DAPK1: variants seen among roughly 807,000 people sequenced by gnomAD.
The protein encoded by DAPK1 is death-associated protein kinase 1.
A neutral mutation model predicts 144.9 loss-of-function variants in DAPK1; 56 were observed. The ratio of observed to expected loss-of-function variants is 0.39; its 90% CI spans 0.31 to 0.48. The LOEUF (loss-of-function observed/expected upper bound fraction) is 0.48, where lower values mean the gene tolerates loss of function less well. Ranked by LOEUF, DAPK1 falls within the 20% of genes least tolerant of loss-of-function variation. DAPK1 has a pLI of 0.95. For synonymous variants in DAPK1, 690 were observed against 749.0 expected (o/e 0.92, Z 1.29); for missense variants, 1,454 against 1,875.4 (o/e 0.78, Z 4.15).
intron 13 of DAPK1, among the ~76,000 whole-genome samples, chr9:87,646,763 C>T (rs1443734167): frequency 1.3e-5 from 2 of 152,182 alleles, no homozygotes; most frequent in Non-Finnish European, 1.5e-5. Context: ...CTCCCCTTGG[C>T]GCTGCTGCTT....
chr9:87,610,776 G>T (rs965704942), intron 3 of DAPK1, among the ~76,000 whole-genome samples: 3 of 152,250 alleles, frequency 2.0e-5, no homozygotes, highest in Non-Finnish European at 4.4e-5. Flanking sequence ...TCAGTTGATT[G>T]TTCCTGTGTG....
At chr9:87,583,265 A>T (rs1827817805) in intron 2 of DAPK1, among the ~76,000 whole-genome samples, 1 of 152,092 alleles carries the variant, frequency 6.6e-6, no homozygotes, top group Non-Finnish European at 1.5e-5. Flanking sequence ...CTGACACATG[A>T]GTGTTCAAGG....
At chr9:87,629,199 G>C (rs1271972424) in intron 3 of DAPK1, among the ~76,000 whole-genome samples, 3 of 152,162 alleles carry the variant, frequency 2.0e-5, no homozygotes, top group Admixed American at 6.5e-5. Flanking sequence ...TCTCATAAAG[G>C]GGGAGTGTGG....
chr9:87,586,688 T>G (rs1328918479), intron 2 of DAPK1, among the ~76,000 whole-genome samples: 1 of 152,244 alleles, frequency 6.6e-6, no homozygotes, highest in African/African-American at 2.4e-5. Flanking sequence ...GAAGTTAGAA[T>G]TTTGGAACCA....
chr9:87,616,629 T>C (rs1007831167), intron 3 of DAPK1, among the ~76,000 whole-genome samples: 2 of 152,098 alleles, frequency 1.3e-5, no homozygotes, highest in East Asian at 1.9e-4. Flanking sequence ...TTAACAAACA[T>C]GTGTGCAAGG....
At chr9:87,701,720 ATTTTTT>A in intron 24 of DAPK1, 12 of 244,560 alleles carry the variant, frequency 4.9e-5, no homozygotes, top group East Asian at 1.0e-4. Flanking sequence ...CTCTGGGTGT[ATTTTTT>A]TTTTTTTTTT....
intron 19 of DAPK1, 159 bp downstream of exon 19, chr9:87,668,833 A>C (rs1831154107): frequency 1.6e-6 from 1 of 635,518 alleles, no homozygotes. Context: ...AGTCGGTATA[A>C]ATGCATCAGC....
intron 2 of DAPK1, among the ~76,000 whole-genome samples, chr9:87,517,103 A>G (rs1367645181): frequency 1.5e-5 from 2 of 135,820 alleles, no homozygotes; most frequent in African/African-American, 5.4e-5. Context: ...GCAGGGAGCC[A>G]CCCAGGGTGG....
chr9:87,581,622 C>A (rs567009199), intron 2 of DAPK1, among the ~76,000 whole-genome samples: 5 of 152,196 alleles, frequency 3.3e-5, no homozygotes, highest in African/African-American at 1.2e-4. Context: ...TCTGATTCTT[C>A]CCCCCTAACT....
intron 23 of DAPK1, 147 bp downstream of exon 23, chr9:87,698,941 C>A (rs1825367563): frequency 3.4e-6 from 2 of 595,434 alleles, no homozygotes; most frequent in South Asian, 4.1e-5. Context: ...TTTTCTTGTA[C>A]AGGTCTTGTA....
intron 3 of DAPK1, among the ~76,000 whole-genome samples, chr9:87,616,652 G>T (rs749066839): frequency 3.3e-5 from 5 of 152,180 alleles, no homozygotes; most frequent in Admixed American, 6.5e-5. Flanking sequence ...TGGAGAACAT[G>T]ATAAGTGATG....
chr9:87,498,677 G>A (rs1824278228), intron 1 of DAPK1: 1 of 389,544 alleles, frequency 2.6e-6, no homozygotes, highest in African/African-American at 2.1e-5. Context: ...GAAAGGGGAG[G>A]CGGGGAGGCC....
At chr9:87,571,007 G>C (rs577277697) in intron 2 of DAPK1, among the ~76,000 whole-genome samples, 1 of 152,182 alleles carries the variant, frequency 6.6e-6, no homozygotes, top group African/African-American at 2.4e-5. Flanking sequence ...AACTGGACTG[G>C]AACACGAGCT....
Position 87,666,652 on chromosome 9 carries a change from T to C in DAPK1, c.1924-1945T>C, listed in dbSNP as rs560377835. Among the ~76,000 whole-genome samples the C allele has an allele frequency of 9.2e-4, 140 of 152,086 alleles. 1 individual carries two copies. Among genetic ancestry groups the C allele is most frequent in the Admixed American group, 1.4e-3 (22 of 15,280 alleles). On this transcript the variant is annotated intron_variant, in intron 18 of 25. Coordinates refer to ENST00000408954, the MANE Select transcript of DAPK1 (RefSeq NM_004938.4). ...CCACACCTGGCTGATTTTTGTATTT[T>C]TAGTAAAGACGGGGTTTCACCATGT...
chr9:87,665,588 C>T (rs571844398), intron 18 of DAPK1, among the ~76,000 whole-genome samples: 5 of 152,350 alleles, frequency 3.3e-5, no homozygotes, highest in South Asian at 4.1e-4. Context: ...GCATATTACA[C>T]GTGTCACTAG....
At chr9:87,673,704 G>A (rs561621018) in intron 19 of DAPK1, among the ~76,000 whole-genome samples, 4 of 152,250 alleles carry the variant, frequency 2.6e-5, no homozygotes, top group African/African-American at 7.2e-5. Context: ...GTCCCTGAGC[G>A]CCGAGCTTGT....
chr9:87,523,294 C>T (rs1177542137), intron 2 of DAPK1, among the ~76,000 whole-genome samples: 5 of 152,052 alleles, frequency 3.3e-5, no homozygotes, highest in South Asian at 2.1e-4. Context: ...AGGCCCTTAC[C>T]GCTCTGAGTT....
Position 87,646,514 on chromosome 9 carries a change from A to G in DAPK1, c.1185A>G (p.Leu395=), listed in dbSNP as rs2119160643. The G allele has an allele frequency of 6.2e-7, 1 of 1,614,040 alleles. No individual in the cohort carries two copies. Among genetic ancestry groups the G allele is most frequent in the Non-Finnish European group, 8.5e-7 (1 of 1,179,906 alleles). Reference sequence around the variant, plus strand: ...CTGGCTGTGGGAATATTCAAATACTACAGTTGCTCATTAAAAGAGGCTCGA... The same window carrying G: ...CTGGCTGTGGGAATATTCAAATACTGCAGTTGCTCATTAAAAGAGGCTCGA... ...IAAGCGNIQI[L]QLLIKRGSRI... is the part of the protein sequence containing the mutation. The change falls in exon 13 of 26, where the codon CTA becomes CTG. Residue 395 remains leucine, a synonymous_variant. Coordinates refer to ENST00000408954, the MANE Select transcript of DAPK1 (RefSeq NM_004938.4).
chr9:87,573,170 CA>C (rs1364518477), intron 2 of DAPK1, among the ~76,000 whole-genome samples: 2 of 152,210 alleles, frequency 1.3e-5, no homozygotes, highest in Admixed American at 6.5e-5. Context: ...GACTGCATGT[CA>C]AATGGTATCA....
Sources: allele counts gnomAD v4.1 joint callset (sites outside exome capture counted in the v4.1 genomes callset), GRCh38; gene constraint gnomAD v4.1.1; transcripts MANE v1.5; gene names NCBI Gene and HGNC (gene_info 2026-07-23, HGNC 2026-07-21).